The following CCDC102B variants were observed in gnomAD, a reference collection of about 807,000 sequenced individuals.
CCDC102B encodes coiled-coil domain containing 102B, also known as coiled-coil domain-containing protein 102B.
In CCDC102B, 75 loss-of-function variants were observed where a neutral mutation model predicts 57.4. That is an observed-to-expected ratio of 1.31 (90% CI 1.08 to 1.58). CCDC102B has a LOEUF of 1.58. CCDC102B is among the 40% of genes most tolerant of loss of function. The probability of loss-of-function intolerance (pLI) is 0.00; values close to 1 mark genes in which losing one functional copy is unlikely to be tolerated. For synonymous variants in CCDC102B, 206 were observed against 201.9 expected, an observed-to-expected ratio of 1.02 and a Z score of -0.17; for missense variants, 636 against 582.6, an observed-to-expected ratio of 1.09 and a Z score of -0.94.
intron 1 of CCDC102B, among the ~76,000 whole-genome samples, chr18:68,809,791 GTTTA>G (rs1280252681): frequency 6.6e-6 from 1 of 152,104 alleles, no homozygotes; most frequent in Non-Finnish European, 1.5e-5. Context: ...GCTAAGAAAT[GTTTA>G]TTCTTATTCT....
At chr18:68,765,367 A>AAG (rs1354403613) in intron 2 of CCDC102B, among the ~76,000 whole-genome samples, 94 of 147,718 alleles carry the variant, frequency 6.4e-4, no homozygotes, top group Non-Finnish European at 1.3e-3. Context: ...GAAAGAAAGA[A>AAG]AGAAAGAAAG....
chr18:68,913,985 T>G (rs1285733592), intron 6 of CCDC102B, among the ~76,000 whole-genome samples: 1 of 152,242 alleles, frequency 6.6e-6, no homozygotes, highest in Non-Finnish European at 1.5e-5. Context: ...TTACTAGGCA[T>G]GTAACTTGGG....
chr18:68,745,466 T>TA (rs2033579152), intron 2 of CCDC102B, among the ~76,000 whole-genome samples: 2 of 151,698 alleles, frequency 1.3e-5, no homozygotes, highest in South Asian at 2.1e-4. Flanking sequence ...TTAATTTTTT[T>TA]AATGAAGATA....
chr18:68,818,314 G>C (rs1222160146), intron 1 of CCDC102B, among the ~76,000 whole-genome samples: 1 of 152,140 alleles, frequency 6.6e-6, no homozygotes, highest in East Asian at 1.9e-4. Flanking sequence ...CTAATTGAAA[G>C]CTAGAAATTT....
At chr18:68,895,437 T>C (rs1036017405) in intron 5 of CCDC102B, among the ~76,000 whole-genome samples, 1 of 151,840 alleles carries the variant, frequency 6.6e-6, no homozygotes, top group Non-Finnish European at 1.5e-5. Flanking sequence ...TGTTGAAATG[T>C]AACATTTTTC....
At chr18:69,041,062 G>T (rs1376421884) in intron 7 of CCDC102B, among the ~76,000 whole-genome samples, 2 of 151,866 alleles carry the variant, frequency 1.3e-5, no homozygotes, top group African/African-American at 4.8e-5. Context: ...AGGCCCAAAG[G>T]AACATGCAAA....
chr18:68,869,421 A>C (rs1426413324), intron 4 of CCDC102B, among the ~76,000 whole-genome samples: 1 of 152,230 alleles, frequency 6.6e-6, no homozygotes, highest in African/African-American at 2.4e-5. Context: ...GGAGTCAAGT[A>C]AGGGCAGAAC....
chr18:68,874,164 GTGTGTA>G (rs775334178), intron 4 of CCDC102B, among the ~76,000 whole-genome samples: 58 of 85,182 alleles, frequency 6.8e-4, no homozygotes, highest in East Asian at 2.9e-3. Flanking sequence ...CAAGCAGTGT[GTGTGTA>G]TGTGTGTGTG....
At chr18:68,778,532 C>CT (rs1176066857) in intron 2 of CCDC102B, among the ~76,000 whole-genome samples, 2 of 151,980 alleles carry the variant, frequency 1.3e-5, no homozygotes, top group East Asian at 1.9e-4. Context: ...CAGGTCAAAT[C>CT]TTTTTTTTAA....
intron 2 of CCDC102B, among the ~76,000 whole-genome samples, chr18:68,789,475 C>T (rs920992218): frequency 3.9e-5 from 6 of 152,110 alleles, no homozygotes; most frequent in Non-Finnish European, 7.4e-5. Context: ...CCCAATCAGA[C>T]GTAGATTTGG....
chr18:68,728,353 A>G (rs1328839297), intron 2 of CCDC102B, among the ~76,000 whole-genome samples: 1 of 152,220 alleles, frequency 6.6e-6, no homozygotes, highest in Non-Finnish European at 1.5e-5. Flanking sequence ...ATACAAGCAT[A>G]ATAGATATTC....
intron 1 of CCDC102B, among the ~76,000 whole-genome samples, chr18:68,826,652 A>T (rs1193133030): frequency 2.6e-5 from 4 of 151,408 alleles, no homozygotes; most frequent in Admixed American, 2.6e-4. Flanking sequence ...TTTTATTTTT[A>T]AAAAACGATA....
intron 4 of CCDC102B, among the ~76,000 whole-genome samples, chr18:68,854,989 A>T (rs1159737099): frequency 6.6e-6 from 1 of 152,242 alleles, no homozygotes. Context: ...TGCAGAAAAT[A>T]TTTGCACAGG....
At chr18:68,732,511 A>AT (rs1035650219) in intron 2 of CCDC102B, among the ~76,000 whole-genome samples, 14 of 151,008 alleles carry the variant, frequency 9.3e-5, no homozygotes, top group African/African-American at 2.2e-4. Flanking sequence ...TGCTCAGCTA[A>AT]TTTTTTTTTA....
intron 2 of CCDC102B, among the ~76,000 whole-genome samples, chr18:68,726,847 G>T (rs1255952339): frequency 6.6e-6 from 1 of 152,134 alleles, no homozygotes; most frequent in African/African-American, 2.4e-5. Flanking sequence ...GAATCTGATT[G>T]GGGATCTGAT....
intron 7 of CCDC102B, among the ~76,000 whole-genome samples, chr18:69,013,020 A>G (rs1176848592): frequency 6.6e-6 from 1 of 150,784 alleles, no homozygotes; most frequent in Admixed American, 6.6e-5. Flanking sequence ...ACTCCTGAAT[A>G]TCTACCTAAA....
intron 2 of CCDC102B, among the ~76,000 whole-genome samples, chr18:68,726,335 A>G (rs2032593314): frequency 6.6e-6 from 1 of 152,230 alleles, no homozygotes; most frequent in Admixed American, 6.5e-5. Context: ...TGAAATGCTA[A>G]CTAACATATG....
chr18:68,935,044 A>C (rs977772129), intron 6 of CCDC102B, among the ~76,000 whole-genome samples: 1 of 151,978 alleles, frequency 6.6e-6, no homozygotes, highest in Non-Finnish European at 1.5e-5. Flanking sequence ...ATGTGGGTGC[A>C]TGCCCCGGCT....
rs1224213390 is a variant in CCDC102B at position 68,901,919 on chromosome 18, A to T, written c.1263+4491A>T. Among the ~76,000 whole-genome samples the T allele has an allele frequency of 2.0e-5, 3 of 152,116 alleles. No individual in the cohort carries two copies. In the East Asian group the frequency reaches 5.8e-4, roughly 29 times the overall value. ...GTTGATGGAAAACTTCCTACTGTCG[A>T]TGTAAGATATAAACCTCCTTCATTC... is the stretch of plus-strand genomic sequence containing the variant. On this transcript the variant is annotated intron_variant, in intron 6 of 7. Coordinates refer to ENST00000360242, the MANE Select transcript of CCDC102B (RefSeq NM_024781.3).
Sources: gnomAD v4.1 joint callset for allele counts (sites outside exome capture counted in the v4.1 genomes callset) on GRCh38, gnomAD v4.1.1 for gene constraint, MANE v1.5 for transcripts, NCBI Gene and HGNC (gene_info 2026-07-23, HGNC 2026-07-21) for gene names.